Variants in PPP2R2D observed in about 807,000 individuals in gnomAD.
PPP2R2D encodes the protein protein phosphatase 2 regulatory subunit Bdelta, also known as serine/threonine-protein phosphatase 2A 55 kDa regulatory subunit B delta isoform.
In PPP2R2D, 9 loss-of-function variants were observed where a neutral mutation model predicts 31.1. The ratio of observed to expected loss-of-function variants is 0.29; its 90% CI spans 0.17 to 0.51. PPP2R2D has a LOEUF of 0.51. PPP2R2D is among the 20% of genes least tolerant of loss of function. PPP2R2D has a pLI of 0.98. For missense variants in PPP2R2D, 391 were observed against 465.6 expected (o/e 0.84, Z 1.48); for synonymous variants, 179 against 172.6 (o/e 1.04, Z -0.29).
chr10:131,943,233 A>G (rs555553881), intron 5 of PPP2R2D, among the ~76,000 whole-genome samples: 4 of 152,008 alleles, frequency 2.6e-5, no homozygotes, highest in Admixed American at 1.3e-4. Flanking sequence ...TGTCCTTTCT[A>G]TTTCTGTGCG....
In PPP2R2D at chr10:131,956,469, T is replaced by G; in HGVS notation, c.*506T>G. The G allele has an allele frequency of 1.0e-6, 1 of 985,542 alleles. No homozygotes were observed. The highest frequency in any genetic ancestry group is 1.2e-6 in the Non-Finnish European group (1 of 830,066). The allele number at this position is 985,542 out of a possible 1,614,324, so 61.0% of individuals were successfully genotyped here. A position where few individuals can be genotyped will look rare whatever the true frequency, so the allele number is the denominator to read the frequency against. On this transcript the variant is annotated 3_prime_UTR_variant, in exon 9 of 9. Transcript: ENST00000455566. The stretch of plus-strand genomic sequence containing the variant: ...CCCGAGCAGGCTCAGGCGGCCCCAC[T>G]CACCCACAGCATCCGCCGCCACCCC...
At chr10:131,917,498 C>G (rs1424079089) in intron 2 of PPP2R2D, among the ~76,000 whole-genome samples, 9 of 118,376 alleles carry the variant, frequency 7.6e-5, no homozygotes, top group East Asian at 3.4e-4. Context: ...AGGGACCTCA[C>G]ACGGATGGAA....
chr10:131,932,655 AAAAAAAAAAAAAACACAC>A (rs1343172605), intron 2 of PPP2R2D, among the ~76,000 whole-genome samples: 2 of 148,594 alleles, frequency 1.3e-5, no homozygotes, highest in Admixed American at 6.7e-5. Context: ...TCAAAAAAAA[AAAAAAAAAAAAAACACAC>A]AAAAAAAACC....
chr10:131,909,360 C>G (rs1052837741), intron 2 of PPP2R2D, among the ~76,000 whole-genome samples: 1 of 152,194 alleles, frequency 6.6e-6, no homozygotes, highest in Non-Finnish European at 1.5e-5. Context: ...TTAACAAGGT[C>G]ACTCTGCCCT....
chr10:131,966,566 G>A, the PPP2R2D span: 1 of 152,168 alleles, frequency 6.6e-6, no homozygotes, highest in Non-Finnish European at 1.5e-5. Context: ...CAGTCCCAGA[G>A]TTGTTTTTTC....
At chr10:131,953,714 G>T (rs111957327) in intron 8 of PPP2R2D, among the ~76,000 whole-genome samples, 163 of 26,860 alleles carry the variant, frequency 6.1e-3, no homozygotes, top group East Asian at 0.01. Context: ...GTGTGGGGGG[G>T]TCACTGTCTT....
chr10:131,910,443 C>T (rs1213498136), intron 2 of PPP2R2D, among the ~76,000 whole-genome samples: 2 of 152,202 alleles, frequency 1.3e-5, no homozygotes, highest in African/African-American at 4.8e-5. Context: ...CTAATTTTCT[C>T]TTGAAAGCTT....
intron 2 of PPP2R2D, among the ~76,000 whole-genome samples, chr10:131,915,700 C>T (rs1221258089): frequency 1.3e-5 from 2 of 152,204 alleles, no homozygotes; most frequent in African/African-American, 2.4e-5. Context: ...CCGCGCTTCT[C>T]CAGCTCCCTG....
chr10:131,952,964 G>T (rs1399639685), intron 8 of PPP2R2D, among the ~76,000 whole-genome samples: 1 of 90,898 alleles, frequency 1.1e-5, no homozygotes, highest in African/African-American at 4.6e-5. Flanking sequence ...ACTTGCGAGT[G>T]TGCGGGGGTT....
At chr10:131,904,234 G>A (rs1238026422) in intron 2 of PPP2R2D, among the ~76,000 whole-genome samples, 1 of 147,666 alleles carries the variant, frequency 6.8e-6, no homozygotes, top group South Asian at 2.2e-4. Context: ...AGAGATGGCC[G>A]GGCGCAGTGG....
intron 2 of PPP2R2D, among the ~76,000 whole-genome samples, chr10:131,932,436 G>A (rs2036252439): frequency 2.6e-5 from 4 of 152,082 alleles, no homozygotes; most frequent in African/African-American, 7.2e-5. Context: ...TGAGACTGAA[G>A]CGGGCTGATG....
At chr10:131,916,165 C>A (rs923528417) in intron 2 of PPP2R2D, among the ~76,000 whole-genome samples, 1 of 152,174 alleles carries the variant, frequency 6.6e-6, no homozygotes, top group Admixed American at 6.5e-5. Context: ...GCCCTGATAA[C>A]CTCCGTGTTC....
In PPP2R2D at chr10:131,955,859, G is replaced by A. The variant is rs782739774; in HGVS notation, c.1258G>A (p.Asp420Asn). The change falls in exon 9 of 9, where the codon GAC becomes AAC. Residue 420 changes from aspartate to asparagine, a missense_variant. Physicochemically the swap from Asp to Asn is conservative, Grantham distance 23. Around this residue, in one of 3 missense-constraint regions of PPP2R2D, gnomAD observed 163 missense variants for 179.5 expected, o/e 0.91. Transcript: ENST00000455566. ...AGACGAGATCAGTGTGGACAGTCTG[G>A]ACTTCAACAAGAAGATCCTGCACAC... Reference protein sequence around the residue: ...RKDEISVDSLDFNKKILHTAW... With the variant: ...RKDEISVDSLNFNKKILHTAW... 1.2e-6 allele frequency: 2 copies of A among 1,610,674 alleles called. No homozygotes were observed. The highest frequency in any genetic ancestry group is 1.7e-6 in the Non-Finnish European group (2 of 1,178,258).
rs895918563 is a variant in PPP2R2D at position 131,956,447 on chromosome 10, G to C, written c.*484G>C. 4.1e-6 allele frequency: 4 copies of C among 985,506 alleles called. No homozygotes were observed. The African/African-American group carries it at 7.0e-5, about 17-fold the overall frequency. 61.0% of individuals were successfully genotyped at this position (985,506 alleles called of 1,614,324 possible). On this transcript the variant is annotated 3_prime_UTR_variant, in exon 9 of 9. Transcript: ENST00000455566. ...CTCTGTGGATGTGTGGATGTGGCCC[G>C]AGCAGGCTCAGGCGGCCCCACTCAC...
intron 8 of PPP2R2D, among the ~76,000 whole-genome samples, chr10:131,953,177 GCGGGGGGTTT>G (rs2036716165): frequency 9.4e-6 from 1 of 106,794 alleles, no homozygotes; most frequent in Non-Finnish European, 1.9e-5. Context: ...TTGCGGGTGT[GCGGGGGGTTT>G]CACTGTCTTA....
At chr10:131,971,331 TAAGAA>T in the PPP2R2D span, 6 of 261,174 alleles carry the variant, frequency 2.3e-5, no homozygotes, top group South Asian at 1.0e-4. Context: ...GCACTGGTTA[TAAGAA>T]AAGAAAATGA....
chr10:131,920,745 A>G (rs1246079449), intron 2 of PPP2R2D, among the ~76,000 whole-genome samples: 1 of 152,190 alleles, frequency 6.6e-6, no homozygotes, highest in African/African-American at 2.4e-5. Context: ...CGTGGCCAAC[A>G]TGGTGAAACC....
In PPP2R2D at chr10:131,955,726, T is replaced by C; in HGVS notation, c.1125T>C (p.Phe375=). The C allele has an allele frequency of 6.7e-7, 1 of 1,501,762 alleles. No homozygotes were observed. The highest frequency in any genetic ancestry group is 8.9e-7 in the Non-Finnish European group (1 of 1,119,282). The allele number at this position is 1,501,762 out of a possible 1,614,324, so 93.0% of individuals were successfully genotyped here. ...CCTATAACAACTTCTTCAGGATGTT[T>C]GATAGAGACACGCGGAGGGATGTGA... The part of the protein sequence containing the change: ...TGSYNNFFRM[F]DRDTRRDVTL... The change falls in exon 9 of 9, where the codon TTT becomes TTC. Residue 375 remains phenylalanine (F), a synonymous_variant. Transcript: ENST00000455566.
At chr10:131,960,036 G>A (rs570862715), downstream of PPP2R2D, among the ~76,000 whole-genome samples, 6 of 152,304 alleles carry the variant, frequency 3.9e-5, no homozygotes, top group Admixed American at 2.6e-4. Context: ...TGGAGGTGTC[G>A]TCACCTAGCT....
Sources: gnomAD v4.1 joint callset for allele counts (sites outside exome capture counted in the v4.1 genomes callset) on GRCh38, gnomAD v4.1.1 for gene constraint, gnomAD v4.1.1 regional missense constraint, MANE v1.5 for transcripts, NCBI Gene and HGNC (gene_info 2026-07-23, HGNC 2026-07-21) for gene names.